LRGUK: variants seen among roughly 807,000 people sequenced by gnomAD.
LRGUK encodes the protein leucine-rich repeat and guanylate kinase domain-containing protein.
In LRGUK, 65 loss-of-function variants were observed where a neutral mutation model predicts 76.0. The observed-to-expected ratio is 0.85, with a 90% CI of 0.70 to 1.05. LRGUK has a LOEUF of 1.05. Among genes scored for constraint, LRGUK ranks in the 50% least tolerant of loss-of-function variants. The pLI, the probability that LRGUK is intolerant of heterozygous loss-of-function variation, is 0.00. For missense variants in LRGUK, 758 were observed against 732.8 expected, an observed-to-expected ratio of 1.03 and a Z score of -0.40; for synonymous variants, 268 against 265.6, an observed-to-expected ratio of 1.01 and a Z score of -0.09.
At chr7:134,274,836 A>ATT in the LRGUK span, among the ~76,000 whole-genome samples, 1 of 152,098 alleles carries the variant, frequency 6.6e-6, no homozygotes. Context: ...TTTCAATCTT[A>ATT]TCTTTTTAAT....
intron 1 of LRGUK, among the ~76,000 whole-genome samples, chr7:134,128,860 C>T (rs752850777): frequency 4.5e-4 from 68 of 152,124 alleles, no homozygotes; most frequent in Non-Finnish European, 8.5e-4. Context: ...TAATTTGCTT[C>T]CTTTCTTTCA....
At chr7:134,190,305 C>T (rs1183218127) in intron 11 of LRGUK, among the ~76,000 whole-genome samples, 1 of 152,170 alleles carries the variant, frequency 6.6e-6, no homozygotes, top group Admixed American at 6.5e-5. Flanking sequence ...CTCCTGGGCT[C>T]AAGTGAGCCT....
exon 10 of LRGUK, chr7:134,178,558 A>C (rs759991469): frequency 1.2e-6 from 2 of 1,613,168 alleles, no homozygotes; most frequent in African/African-American, 2.7e-5. Flanking sequence ...GCTCAAGACC[A>C]CCTGACCCAT....
At chr7:134,137,259 T>C in intron 2 of LRGUK, 129 bp downstream of exon 2, 1 of 660,606 alleles carries the variant, frequency 1.5e-6, no homozygotes, top group Non-Finnish European at 2.6e-6. Context: ...TGGAGACTGG[T>C]GACAAGAGAT....
chr7:134,258,661 T>C (rs1348768270), intron 19 of LRGUK, among the ~76,000 whole-genome samples: 2 of 151,520 alleles, frequency 1.3e-5, no homozygotes, highest in South Asian at 2.1e-4. Context: ...ATCACACTAC[T>C]GCACTCCTGG....
intron 16 of LRGUK, among the ~76,000 whole-genome samples, chr7:134,235,949 T>C (rs917307792): frequency 2.0e-5 from 3 of 152,182 alleles, no homozygotes; most frequent in African/African-American, 7.2e-5. Context: ...AAGACAATGC[T>C]AGAACAAATG....
intron 16 of LRGUK, among the ~76,000 whole-genome samples, chr7:134,231,008 T>C (rs1222430): frequency 0.19 from 28,478 of 152,148 alleles, 3,918 homozygotes; most frequent in East Asian, 0.54. Context: ...CTGGACAAGC[T>C]GCAGTGAGTT....
intron 3 of LRGUK, among the ~76,000 whole-genome samples, chr7:134,139,770 A>T (rs1180854290): frequency 6.6e-6 from 1 of 151,944 alleles, no homozygotes; most frequent in Non-Finnish European, 1.5e-5. Flanking sequence ...TGTTGGCTTT[A>T]TTTTTTCCTT....
At chr7:134,127,449 C>G in exon 1 of LRGUK, 1 of 1,613,960 alleles carries the variant, frequency 6.2e-7, no homozygotes, top group Non-Finnish European at 8.5e-7. Flanking sequence ...AACTGGAGCC[C>G]GATCGTTACA....
chr7:134,139,113 T>C (rs953257490), intron 2 of LRGUK, among the ~76,000 whole-genome samples: 10 of 152,134 alleles, frequency 6.6e-5, no homozygotes, highest in Admixed American at 2.0e-4. Flanking sequence ...TCTTTATTGC[T>C]ATTGTGTGAT....
intron 18 of LRGUK, among the ~76,000 whole-genome samples, chr7:134,257,622 A>G (rs1404780232): frequency 2.7e-5 from 4 of 150,924 alleles, no homozygotes; most frequent in South Asian, 2.1e-4. Context: ...CCTGGCCAAC[A>G]TGGCATAACC....
At chr7:134,259,326 TGG>T (rs1802662941) in intron 19 of LRGUK, among the ~76,000 whole-genome samples, 1 of 152,032 alleles carries the variant, frequency 6.6e-6, no homozygotes, top group African/African-American at 2.4e-5. Flanking sequence ...AAAATGGGAA[TGG>T]GAGAGAATAA....
rs1491040381 is a variant in LRGUK at position 134,248,933 on chromosome 7, TTA to T, written c.2073-17_2073-16del. 5.6e-6 allele frequency: 8 copies of T among 1,437,172 alleles called. No homozygotes were observed. In the South Asian group the frequency reaches 6.3e-5, roughly 11 times the overall value. The allele number at this position is 1,437,172 out of a possible 1,614,324, so 89.0% of individuals were successfully genotyped here. Reference sequence around the variant, plus strand: ...AAAATCCTTTGGTTTTTTTTTTTTTTTAAATTTCCCATTCCAGGGGTCCAGTA... The same window carrying T: ...AAAATCCTTTGGTTTTTTTTTTTTTTAATTTCCCATTCCAGGGGTCCAGTA... On this transcript the variant is annotated splice_polypyrimidine_tract_variant and intron_variant, in intron 17 of 19. Transcript: ENST00000285928.
rs184719201 is a variant in LRGUK at position 134,230,579 on chromosome 7, A to C, written c.1983+8661A>C. ...ATTGTTCATAATAGTCCTAAACTAG[A>C]AATTCACATGTCCATCAGCAGTAGA... On this transcript the variant is annotated intron_variant, in intron 16 of 19. Transcript: ENST00000285928. Among the ~76,000 whole-genome samples the C allele has an allele frequency of 2.6e-5, 4 of 152,336 alleles. No homozygotes were observed. The East Asian group carries it at 7.7e-4, about 29-fold the overall frequency.
At chr7:134,251,243 G>T (rs1802438791) in intron 18 of LRGUK, among the ~76,000 whole-genome samples, 1 of 152,088 alleles carries the variant, frequency 6.6e-6, no homozygotes, top group African/African-American at 2.4e-5. Flanking sequence ...AGCCAATAAG[G>T]CTGTCCTTGT....
chr7:134,143,016 G>C, intron 3 of LRGUK, 46 bp from the exon 4 acceptor site: 1 of 1,030,526 alleles, frequency 9.7e-7, no homozygotes, highest in East Asian at 2.4e-5. Context: ...CCTTTGTCTT[G>C]TTATTTTATT....
intron 15 of LRGUK, 52 bp from the exon 16 acceptor site, chr7:134,221,727 A>G (rs113845384): frequency 3.7e-5 from 50 of 1,360,410 alleles, no homozygotes; most frequent in Non-Finnish European, 4.5e-5. Context: ...CTATCACTTC[A>G]GAAATTTCCT....
At chr7:134,255,577 G>A (rs917864225) in intron 18 of LRGUK, among the ~76,000 whole-genome samples, 2 of 152,168 alleles carry the variant, frequency 1.3e-5, no homozygotes, top group Non-Finnish European at 2.9e-5. Context: ...TTTTCTACCA[G>A]AGGTTTCTTT....
chr7:134,194,999 G>GA (rs1800419453), intron 12 of LRGUK, among the ~76,000 whole-genome samples: 1 of 152,118 alleles, frequency 6.6e-6, no homozygotes, highest in African/African-American at 2.4e-5. Context: ...AGTTTTTAAG[G>GA]ACAACTTAGT....
Sources: allele counts gnomAD v4.1 joint callset (sites outside exome capture counted in the v4.1 genomes callset), GRCh38; gene constraint gnomAD v4.1.1; transcripts MANE v1.5; gene names NCBI Gene and HGNC (gene_info 2026-07-23, HGNC 2026-07-21).